KSR2: variants seen among roughly 807,000 people sequenced by gnomAD.
The protein encoded by KSR2 is kinase suppressor of ras 2.
Under a neutral mutation model 107.8 loss-of-function variants are expected in KSR2, and 25 were observed. The ratio of observed to expected loss-of-function variants is 0.23; its 90% CI spans 0.17 to 0.32. KSR2 has a LOEUF of 0.32. Ranked by LOEUF, KSR2 falls within the 10% of genes least tolerant of loss-of-function variation. KSR2 has a pLI of 1.00. For synonymous variants in KSR2, 480 were observed against 507.0 expected, an observed-to-expected ratio of 0.95 and a Z score of 0.71; for missense variants, 887 against 1,268.9, an observed-to-expected ratio of 0.70 and a Z score of 4.57.
intron 3 of KSR2, among the ~76,000 whole-genome samples, chr12:117,854,482 C>G (rs796779807): frequency 1.1e-4 from 16 of 152,342 alleles, no homozygotes; most frequent in African/African-American, 3.6e-4. Context: ...TAGAAGACTT[C>G]TCCAGGCCTA....
In KSR2 at chr12:117,760,358, C is replaced by T. The variant is rs150501756; in HGVS notation, c.986+653G>A. The stretch of plus-strand genomic sequence containing the variant: ...CCTACCACCTTCAACTGAGATGAGC[C>T]GTGGATATAAAATACACATTCAATT... On this transcript the variant is annotated intron_variant, in intron 4 of 19. Transcript: ENST00000339824. Among the ~76,000 whole-genome samples, 4 of 152,146 alleles carry T rather than the reference C, an allele frequency of 2.6e-5. No homozygotes were observed. The East Asian group carries it at 7.7e-4, about 29-fold the overall frequency.
At chr12:117,539,010 C>A (rs1565890480) in intron 10 of KSR2, among the ~76,000 whole-genome samples, 1 of 152,156 alleles carries the variant, frequency 6.6e-6, no homozygotes, top group Non-Finnish European at 1.5e-5. Flanking sequence ...GGTCTAATGA[C>A]AAAGGAGGTC....
At chr12:117,819,574 G>T (rs527723437) in intron 3 of KSR2, among the ~76,000 whole-genome samples, 1 of 152,268 alleles carries the variant, frequency 6.6e-6, no homozygotes, top group East Asian at 1.9e-4. Context: ...CTGGGCAGCT[G>T]ATTAAATGTT....
intron 1 of KSR2, among the ~76,000 whole-genome samples, chr12:117,904,848 A>C (rs1250390784): frequency 6.6e-6 from 1 of 152,146 alleles, no homozygotes; most frequent in African/African-American, 2.4e-5. Context: ...TGCCAAAATC[A>C]CTGCTGTTAA....
At chr12:117,688,574 A>G (rs563848007) in intron 4 of KSR2, among the ~76,000 whole-genome samples, 1 of 152,336 alleles carries the variant, frequency 6.6e-6, no homozygotes, top group African/African-American at 2.4e-5. Flanking sequence ...TCCAATTGGC[A>G]GGTTTGACAT....
rs185677579 is a variant in KSR2, at chr12:117,581,570, A to T, written c.1241+720T>A. Among the ~76,000 whole-genome samples the T allele has an allele frequency of 2.0e-5, 3 of 152,320 alleles. No homozygotes were observed. The South Asian group carries it at 6.2e-4, about 32-fold the overall frequency. On this transcript the variant is annotated intron_variant, in intron 6 of 19. Transcript: ENST00000339824. Reference sequence around the variant, plus strand: ...CAGTCTGCCTATCTGTCCAATGGCCATGAGCACACTTGCCCCACTCACCCT... The same window carrying T: ...CAGTCTGCCTATCTGTCCAATGGCCTTGAGCACACTTGCCCCACTCACCCT...
At chr12:117,793,034 G>A (rs1890322292) in intron 3 of KSR2, among the ~76,000 whole-genome samples, 1 of 136,326 alleles carries the variant, frequency 7.3e-6, no homozygotes, top group African/African-American at 2.9e-5. Context: ...ACATCAACAT[G>A]CACACACGCT....
intron 5 of KSR2, among the ~76,000 whole-genome samples, chr12:117,652,003 C>T (rs746314479): frequency 1.2e-4 from 18 of 152,174 alleles, no homozygotes; most frequent in Non-Finnish European, 5.9e-5. Context: ...CTGTAATGGA[C>T]AGCAAAGGCA....
intron 5 of KSR2, among the ~76,000 whole-genome samples, chr12:117,604,015 T>C (rs944108186): frequency 2.6e-5 from 4 of 152,222 alleles, no homozygotes; most frequent in Non-Finnish European, 5.9e-5. Context: ...CTATGGAGAA[T>C]GCACATTGGG....
intron 5 of KSR2, among the ~76,000 whole-genome samples, chr12:117,648,062 A>G (rs953970401): frequency 1.3e-5 from 2 of 152,180 alleles, no homozygotes; most frequent in African/African-American, 2.4e-5. Flanking sequence ...AGCAAGGGAC[A>G]TACCATTTAT....
rs190364717 is a variant in KSR2 at position 117,454,562 on chromosome 12, G to T, written c.*12637C>A. The T allele has an allele frequency of 2.5e-4, 38 of 152,334 alleles. No homozygotes were observed. The highest frequency in any genetic ancestry group is 3.8e-4 in the Non-Finnish European group (26 of 68,038). The allele number at this position is 152,334 out of a possible 1,614,324, so 9.4% of individuals were successfully genotyped here. The stretch of plus-strand genomic sequence containing the variant: ...TCAGGCTGTATTGCAGGCTTGGCCT[G>T]TGGCCCACTATGGCCCCTAGGTCTT... On this transcript the variant is annotated 3_prime_UTR_variant, in exon 20 of 20. Coordinates refer to ENST00000339824, the MANE Select transcript of KSR2 (RefSeq NM_173598.6).
intron 14 of KSR2, among the ~76,000 whole-genome samples, chr12:117,499,022 C>T (rs1212945078): frequency 6.6e-6 from 1 of 152,242 alleles, no homozygotes; most frequent in African/African-American, 2.4e-5. Flanking sequence ...CCAAGCCCAG[C>T]TCAAATTAGT....
intron 1 of KSR2, among the ~76,000 whole-genome samples, chr12:117,898,661 A>G (rs1214980816): frequency 6.6e-6 from 1 of 152,092 alleles, no homozygotes; most frequent in African/African-American, 2.4e-5. Context: ...ACATAGATGT[A>G]TACACTTATG....
chr12:117,690,723 G>A (rs2136570641), intron 4 of KSR2, among the ~76,000 whole-genome samples: 1 of 152,280 alleles, frequency 6.6e-6, no homozygotes, highest in Middle Eastern at 3.4e-3. Flanking sequence ...TGAACTAACT[G>A]CTGCCAGCAC....
intron 5 of KSR2, among the ~76,000 whole-genome samples, chr12:117,591,080 A>C (rs1402029422): frequency 6.6e-6 from 1 of 152,158 alleles, no homozygotes; most frequent in Non-Finnish European, 1.5e-5. Context: ...GCAGAAGAGA[A>C]GAGCCAGAAA....
chr12:117,543,258 T>C (rs1876632022), intron 9 of KSR2, among the ~76,000 whole-genome samples: 1 of 152,222 alleles, frequency 6.6e-6, no homozygotes, highest in African/African-American at 2.4e-5. Flanking sequence ...AATGATTGAT[T>C]TTTCTCTGCC....
intron 13 of KSR2, among the ~76,000 whole-genome samples, chr12:117,526,628 C>T (rs1375411614): frequency 6.6e-6 from 1 of 152,192 alleles, no homozygotes; most frequent in Non-Finnish European, 1.5e-5. Context: ...GCCAGGACTC[C>T]ATGGTTTCCA....
At chr12:117,739,640 T>C (rs673095) in intron 4 of KSR2, among the ~76,000 whole-genome samples, 54,539 of 152,054 alleles carry the variant, frequency 0.36, 10,809 homozygotes, top group South Asian at 0.62. Flanking sequence ...GCATCTGTGT[T>C]TTCACTGAGA....
chr12:117,858,747 C>T (rs1429722077), intron 2 of KSR2, among the ~76,000 whole-genome samples: 1 of 152,226 alleles, frequency 6.6e-6, no homozygotes, highest in Non-Finnish European at 1.5e-5. Context: ...GGACATCCTG[C>T]TAGCCCCATC....
Sources: allele counts gnomAD v4.1 joint callset (sites outside exome capture counted in the v4.1 genomes callset), GRCh38; gene constraint gnomAD v4.1.1; transcripts MANE v1.5; gene names NCBI Gene and HGNC (gene_info 2026-07-23, HGNC 2026-07-21).